Variants in GC observed in about 807,000 individuals in gnomAD.
GC encodes the protein GC vitamin D binding protein.
In GC, 43 loss-of-function variants were observed where a neutral mutation model predicts 56.7. That is an observed-to-expected ratio of 0.76 (90% CI 0.59 to 0.98). The LOEUF (loss-of-function observed/expected upper bound fraction) is 0.98, where lower values mean the gene tolerates loss of function less well. Among genes scored for constraint, GC ranks in the 50% least tolerant of loss-of-function variants. The pLI, the probability that GC is intolerant of heterozygous loss-of-function variation, is 0.00. For missense variants in GC, 529 were observed against 545.9 expected (o/e 0.97, Z 0.31); for synonymous variants, 216 against 202.7 (o/e 1.07, Z -0.56).
chr4:71,777,896 G>A (rs1042851143), intron 1 of GC, among the ~76,000 whole-genome samples: 2 of 151,568 alleles, frequency 1.3e-5, no homozygotes, highest in African/African-American at 4.8e-5. Flanking sequence ...GGGGTTGAGG[G>A]CTAGGGGAGG....
At chr4:71,765,162 A>T (rs1742115516) in intron 4 of GC, among the ~76,000 whole-genome samples, 1 of 152,216 alleles carries the variant, frequency 6.6e-6, no homozygotes, top group Non-Finnish European at 1.5e-5. Flanking sequence ...ATATTTGAAA[A>T]TATATCATGT....
intron 1 of GC, among the ~76,000 whole-genome samples, chr4:71,770,977 A>G (rs1040122467): frequency 1.3e-5 from 2 of 152,176 alleles, no homozygotes; most frequent in African/African-American, 4.8e-5. Context: ...GGGCGGACAC[A>G]TCAAAGTCAG....
intron 3 of GC, among the ~76,000 whole-genome samples, chr4:71,766,741 T>A (rs1742170852): frequency 6.6e-6 from 1 of 152,182 alleles, no homozygotes; most frequent in Non-Finnish European, 1.5e-5. Context: ...CTCTTTTTCA[T>A]CCTATCTCTC....
chr4:71,765,196 G>T (rs947411467), intron 4 of GC, among the ~76,000 whole-genome samples: 1 of 152,102 alleles, frequency 6.6e-6, no homozygotes, highest in African/African-American at 2.4e-5. Context: ...AAGTGATTCT[G>T]GTTCAGATAA....
upstream of GC, among the ~76,000 whole-genome samples, chr4:71,786,863 T>C (rs1320459451): frequency 6.6e-6 from 1 of 151,912 alleles, no homozygotes; most frequent in Non-Finnish European, 1.5e-5. Context: ...TGGTGTTCTC[T>C]TCGTTCAGAT....
At chr4:71,790,547 C>T (rs1742943387) in intron 1 of GC, among the ~76,000 whole-genome samples, 1 of 151,640 alleles carries the variant, frequency 6.6e-6, no homozygotes, top group Non-Finnish European at 1.5e-5. Flanking sequence ...TTGCTTTCTA[C>T]TTTTTTCTTC....
chr4:71,746,784 A>AAAAAAAAAAAAAAAAAAACAAAC (rs1553946448), intron 11 of GC, among the ~76,000 whole-genome samples: 1 of 150,884 alleles, frequency 6.6e-6, no homozygotes, highest in African/African-American at 2.4e-5. Flanking sequence ...AAAAAAAAAA[A>AAAAAAAAAAAAAAAAAAACAAAC]AAAAAAAAAA....
chr4:71,757,056 T>C (rs1474101488), intron 7 of GC, 142 bp from the exon 8 acceptor site: 1 of 616,344 alleles, frequency 1.6e-6, no homozygotes, highest in Non-Finnish European at 2.9e-6. Context: ...TGGTACAATA[T>C]TTGGAAAGGC....
intron 1 of GC, among the ~76,000 whole-genome samples, chr4:71,776,030 G>A (rs1341272081): frequency 6.6e-6 from 1 of 151,938 alleles, no homozygotes; most frequent in Non-Finnish European, 1.5e-5. Flanking sequence ...TGGAGAAAAG[G>A]GAACTCTTTT....
At chr4:71,775,131 A>G (rs1203473521) in intron 1 of GC, among the ~76,000 whole-genome samples, 4 of 150,756 alleles carry the variant, frequency 2.7e-5, no homozygotes, top group Non-Finnish European at 5.9e-5. Flanking sequence ...CTTTGGTCTT[A>G]GTAGTGACAG....
chr4:71,749,902 G>A (rs1741492000), intron 11 of GC, among the ~76,000 whole-genome samples: 1 of 152,106 alleles, frequency 6.6e-6, no homozygotes, highest in African/African-American at 2.4e-5. Flanking sequence ...TAGCAAATAG[G>A]TTTGGGACCA....
In GC at chr4:71,768,373, A is replaced by G. The variant is rs1438547667; in HGVS notation, c.189T>C (p.Leu63=). The G allele has an allele frequency of 6.2e-7, 1 of 1,613,620 alleles. No individual in the cohort carries two copies. Among genetic ancestry groups the G allele is most frequent in the South Asian group, 1.1e-5 (1 of 90,998 alleles). Residue 63 remains leucine, a synonymous_variant, in exon 3 of 13, where the codon CTT becomes CTC. Transcript: ENST00000273951. ...CGGTCAAGGAGACAACTTCCTTCACAAGTTGGCTGACCTGTTCAAACGTGC... is the reference window on the plus strand; with the variant it reads ...CGGTCAAGGAGACAACTTCCTTCACGAGTTGGCTGACCTGTTCAAACGTGC... The part of the protein sequence containing the change: ...PSGTFEQVSQ[L]VKEVVSLTEA...
At chr4:71,763,981 C>G (rs2149300206) in intron 4 of GC, 45 bp from the exon 5 acceptor site, 1 of 1,487,240 alleles carries the variant, frequency 6.7e-7, no homozygotes, top group Non-Finnish European at 9.4e-7. Context: ...TGTGAATAAA[C>G]AAAATCTACT....
At chr4:71,793,202 T>G (rs1481491004) in intron 1 of GC, among the ~76,000 whole-genome samples, 1 of 152,182 alleles carries the variant, frequency 6.6e-6, no homozygotes, top group Non-Finnish European at 1.5e-5. Context: ...GTGAAGAAAG[T>G]CATTGGTAGC....
intron 4 of GC, among the ~76,000 whole-genome samples, chr4:71,764,906 C>T (rs1182899593): frequency 6.6e-6 from 1 of 152,094 alleles, no homozygotes. Flanking sequence ...TATAATCTGG[C>T]CCCTTGTGCA....
At chr4:71,762,293 C>A in intron 6 of GC, among the ~76,000 whole-genome samples, 1 of 152,182 alleles carries the variant, frequency 6.6e-6, no homozygotes, top group South Asian at 2.1e-4. Flanking sequence ...GGGCCTGTAG[C>A]CCCTTTGTTT....
intron 1 of GC, among the ~76,000 whole-genome samples, chr4:71,779,566 A>C (rs1742611032): frequency 6.6e-6 from 1 of 151,790 alleles, no homozygotes; most frequent in Non-Finnish European, 1.5e-5. Flanking sequence ...AAAATAGGAG[A>C]GAGAGAGAAG....
intron 6 of GC, among the ~76,000 whole-genome samples, chr4:71,760,473 G>A (rs1741932559): frequency 6.6e-6 from 1 of 152,118 alleles, no homozygotes; most frequent in Non-Finnish European, 1.5e-5. Context: ...GAGACTGTAA[G>A]TATGGAGGGA....
chr4:71,792,347 T>A (rs843011), intron 1 of GC, among the ~76,000 whole-genome samples: 62,863 of 152,096 alleles, frequency 0.41, 15,308 homozygotes, highest in Middle Eastern at 0.54. Context: ...GACTTTTTAA[T>A]GATCACCATT....
Sources: gnomAD v4.1 joint callset for allele counts (sites outside exome capture counted in the v4.1 genomes callset) on GRCh38, gnomAD v4.1.1 for gene constraint, MANE v1.5 for transcripts, NCBI Gene and HGNC (gene_info 2026-07-23, HGNC 2026-07-21) for gene names.